Variants in CTTNBP2 observed in about 807,000 individuals in gnomAD.
CTTNBP2 encodes cortactin-binding protein 2.
In CTTNBP2, 108 loss-of-function variants were observed where a neutral mutation model predicts 156.9. That is an observed-to-expected ratio of 0.69 (90% CI 0.59 to 0.81). The LOEUF (loss-of-function observed/expected upper bound fraction) is 0.81. CTTNBP2 is among the 30% of genes least tolerant of loss of function. The pLI, the probability that CTTNBP2 is intolerant of heterozygous loss-of-function variation, is 0.00. For synonymous variants in CTTNBP2, 767 were observed against 751.8 expected, an observed-to-expected ratio of 1.02 and a Z score of -0.33; for missense variants, 1,924 against 2,035.4, an observed-to-expected ratio of 0.95 and a Z score of 1.05.
At chr7:117,754,923 A>T (rs1182929975) in intron 12 of CTTNBP2, among the ~76,000 whole-genome samples, 1 of 152,234 alleles carries the variant, frequency 6.6e-6, no homozygotes, top group Non-Finnish European at 1.5e-5. Context: ...CAGTTTTATC[A>T]TCTTAATGGA....
intron 11 of CTTNBP2, 27 bp from the exon 12 acceptor site, chr7:117,756,661 A>C (rs531241293): frequency 7.1e-7 from 1 of 1,408,364 alleles, no homozygotes; most frequent in South Asian, 1.2e-5. Context: ...ACGAAGAAAA[A>C]TGGGTGTTCC....
intron 8 of CTTNBP2, among the ~76,000 whole-genome samples, chr7:117,769,637 GATAA>G (rs1421450495): frequency 3.3e-5 from 5 of 152,196 alleles, no homozygotes; most frequent in African/African-American, 4.8e-5. Context: ...CGCAAAGTCA[GATAA>G]ATAAATGTCA....
At position 117,792,350 on chromosome 7, in the gene CTTNBP2, T is replaced by A; in HGVS notation, c.846A>T (p.Pro282=). 2.5e-6 allele frequency: 4 copies of A among 1,614,210 alleles called. No homozygotes were observed. The highest frequency in any genetic ancestry group is 3.4e-6 in the Non-Finnish European group (4 of 1,180,040). ...GSDSKPSLSL[P]RKTKDRRLVS... is the part of the protein sequence containing the mutation. Reference sequence around the variant, plus strand: ...CCAAACGCCTATCTTTTGTCTTCCGTGGAAGAGAGAGGCTTGGTTTGCTGT... The same window carrying A: ...CCAAACGCCTATCTTTTGTCTTCCGAGGAAGAGAGAGGCTTGGTTTGCTGT... Residue 282 remains proline, a synonymous_variant, in exon 4 of 23, where the codon CCA becomes CCT. Coordinates refer to ENST00000160373, the MANE Select transcript of CTTNBP2 (RefSeq NM_033427.3). This position sits in a 1 kb window ranked among gnomAD's most constrained non-coding sequence, Gnocchi z 4.2.
At chr7:117,840,914 T>A (rs1355604562) in intron 2 of CTTNBP2, among the ~76,000 whole-genome samples, 1 of 152,182 alleles carries the variant, frequency 6.6e-6, no homozygotes, top group African/African-American at 2.4e-5. Context: ...AACTTTCTAG[T>A]CTCAGGACCC....
intron 7 of CTTNBP2, among the ~76,000 whole-genome samples, chr7:117,779,660 T>G (rs962436502): frequency 5.9e-5 from 9 of 151,700 alleles, no homozygotes; most frequent in African/African-American, 2.2e-4. Flanking sequence ...AAATAGGAAG[T>G]TTTTTTAAGA....
At chr7:117,715,081 A>G (rs2116325709) in intron 22 of CTTNBP2, among the ~76,000 whole-genome samples, 1 of 152,356 alleles carries the variant, frequency 6.6e-6, no homozygotes. Context: ...TTCAATACAC[A>G]GCATCTACTA....
intron 3 of CTTNBP2, among the ~76,000 whole-genome samples, chr7:117,794,457 T>C (rs552741053): frequency 3.3e-5 from 5 of 152,196 alleles, no homozygotes; most frequent in Non-Finnish European, 7.3e-5. Flanking sequence ...TAAACACAAA[T>C]ATCCTCCCAA....
intron 9 of CTTNBP2, among the ~76,000 whole-genome samples, chr7:117,765,533 T>C (rs1251289249): frequency 1.3e-5 from 2 of 152,156 alleles, no homozygotes; most frequent in African/African-American, 4.8e-5. Flanking sequence ...CACTACCTAA[T>C]GTCCAGTCTT....
chr7:117,757,528 TAAA>T (rs56687697), intron 11 of CTTNBP2, among the ~76,000 whole-genome samples: 15 of 91,426 alleles, frequency 1.6e-4, no homozygotes, highest in African/African-American at 3.8e-4. Context: ...TTAAGCACAG[TAAA>T]AAAAAAAAAA....
At position 117,777,372 on chromosome 7, in the gene CTTNBP2, TTTGTA is replaced by T. The variant is rs1254760810; in HGVS notation, c.2778+134_2778+138del. 13 of 849,856 alleles carry T rather than the reference TTTGTA, an allele frequency of 1.5e-5. No individual in the cohort carries two copies. The African/African-American group carries it at 2.2e-4, about 14-fold the overall frequency. The allele number at this position is 849,856 out of a possible 1,614,324, so 52.6% of individuals were successfully genotyped here. ...AACTACTACATAGGAATAATGTCAA[TTTGTA>T]TTGGTAAATAACATCTGCAATTGTA... On this transcript the variant is annotated intron_variant, in intron 8 of 22. Coordinates refer to ENST00000160373, the MANE Select transcript of CTTNBP2 (RefSeq NM_033427.3).
chr7:117,772,475 G>A (rs1797848946), intron 8 of CTTNBP2, among the ~76,000 whole-genome samples: 1 of 152,178 alleles, frequency 6.6e-6, no homozygotes, highest in Non-Finnish European at 1.5e-5. Flanking sequence ...TAGGGGCCAA[G>A]AATGTGCTAG....
In CTTNBP2 at chr7:117,791,372, G is replaced by A; in HGVS notation, c.1824C>T (p.Ser608=). 1.2e-6 allele frequency: 2 copies of A among 1,614,140 alleles called. No individual in the cohort carries two copies. Among genetic ancestry groups the A allele is most frequent in the South Asian group, 1.1e-5 (1 of 91,066 alleles). The change falls in exon 4 of 23, where the codon TCC becomes TCT. Residue 608 remains serine, a synonymous_variant. Transcript: ENST00000160373. Reference sequence around the variant, plus strand: ...TGGATGGTTTTGGTGGCAGCTGAGGGGAGGATGACTTAGGAAGGTTCTCCT... The same window carrying A: ...TGGATGGTTTTGGTGGCAGCTGAGGAGAGGATGACTTAGGAAGGTTCTCCT... ...INEENLPKSS[S]PQLPPKPSID...
intron 2 of CTTNBP2, among the ~76,000 whole-genome samples, chr7:117,843,958 G>A (rs1802423020): frequency 6.6e-6 from 1 of 152,118 alleles, no homozygotes. Flanking sequence ...TATCCCATAT[G>A]GGCTGGTCAA....
chr7:117,780,494 C>A lies in CTTNBP2; in HGVS notation c.2470G>T (p.Glu824Ter), dbSNP rs1287817005. 6.2e-7 allele frequency: 1 copy of A among 1,602,000 alleles called. No individual in the cohort carries two copies. Among genetic ancestry groups the A allele is most frequent in the Admixed American group, 1.7e-5 (1 of 57,778 alleles). ...LYLACKNGNK[E>*]CIKLLLEAGT... is the part of the protein sequence containing the mutation. ...GCTTCCAACAAGAGTTTAATACATT[C>A]TTTATTTCCATTTTTACAGGCCAGG... Residue 824 changes from glutamate (E) to a stop codon, truncating the protein, a stop_gained, in exon 7 of 23, where the codon GAA (glutamate) becomes TAA (stop). Transcript: ENST00000160373. LOFTEE classifies it high-confidence loss of function.
rs774178944 is a variant in CTTNBP2 at position 117,777,539 on chromosome 7, G to A, written c.2750C>T (p.Ala917Val). 4 of 1,613,340 alleles carry A rather than the reference G, an allele frequency of 2.5e-6. No individual in the cohort carries two copies. The highest frequency in any genetic ancestry group is 3.4e-6 in the Non-Finnish European group (4 of 1,179,844). The change falls in exon 8 of 23, where the codon GCC becomes GTC. Residue 917 changes from alanine (A) to valine (V), a missense_variant. By Grantham distance (64) the Ala-to-Val change is moderately conservative (BLOSUM62 0). Coordinates refer to ENST00000160373, the MANE Select transcript of CTTNBP2 (RefSeq NM_033427.3). ...AAAACCTTTGGAAGCAGCAATGTGG[G>A]CAGCAGTCCAGCCTTCTCTGTTGGC... The part of the protein sequence containing the change: ...NHANREGWTA[A>V]HIAASKGFKN...
intron 10 of CTTNBP2, 69 bp downstream of exon 10, chr7:117,760,366 G>T: frequency 1.4e-6 from 2 of 1,475,676 alleles, no homozygotes; most frequent in Non-Finnish European, 1.9e-6. Flanking sequence ...TAAGAATCAG[G>T]TTATGAAACC....
chr7:117,723,321 A>G (rs934564741), intron 19 of CTTNBP2, among the ~76,000 whole-genome samples: 2 of 147,436 alleles, frequency 1.4e-5, no homozygotes, highest in African/African-American at 5.4e-5. Context: ...TTTTATTAAA[A>G]TTAACAAAAT....
chr7:117,822,231 TC>T (rs34861118), intron 2 of CTTNBP2, among the ~76,000 whole-genome samples: 107,869 of 151,914 alleles, frequency 0.71, 39,065 homozygotes, highest in African/African-American at 0.86. Context: ...ATAATGCTAA[TC>T]CCCTTTTTCC....
chr7:117,757,924 C>G lies in CTTNBP2; in HGVS notation c.3219G>C (p.Trp1073Cys). Residue 1073 changes from tryptophan (W) to cysteine (C), a missense_variant, in exon 11 of 23, where the codon TGG becomes TGC. Coordinates refer to ENST00000160373, the MANE Select transcript of CTTNBP2 (RefSeq NM_033427.3). ...CTGCCTTATTCTTCCTCATAAAGTCCCACGGGGACTGCGCGAAGCTCTGAC... is the reference window on the plus strand; with the variant it reads ...CTGCCTTATTCTTCCTCATAAAGTCGCACGGGGACTGCGCGAAGCTCTGAC... ...SVGQSFAQSP[W>C]DFMRKNKAEH... is the part of the protein sequence containing the mutation. The G allele has an allele frequency of 2.5e-6, 4 of 1,613,452 alleles. No homozygotes were observed. The South Asian group carries it at 4.4e-5, about 18-fold the overall frequency.
Sources: allele counts gnomAD v4.1 joint callset (sites outside exome capture counted in the v4.1 genomes callset), GRCh38; gene constraint gnomAD v4.1.1; non-coding constraint Gnocchi (gnomAD v3.1); transcripts MANE v1.5; gene names NCBI Gene and HGNC (gene_info 2026-07-23, HGNC 2026-07-21).